Variants in CACNA1E observed in about 807,000 individuals in gnomAD.
CACNA1E encodes calcium voltage-gated channel subunit alpha1 E, also known as voltage-dependent R-type calcium channel subunit alpha-1E.
In CACNA1E, 40 loss-of-function variants were observed where a neutral mutation model predicts 259.2. The ratio of observed to expected loss-of-function variants is 0.15; its 90% CI spans 0.12 to 0.20. The LOEUF is 0.20. Ranked by LOEUF, CACNA1E falls within the 10% of genes least tolerant of loss-of-function variation. The probability of loss-of-function intolerance (pLI) is 1.00; values close to 1 mark genes in which losing one functional copy is unlikely to be tolerated. For synonymous variants in CACNA1E, 1,104 were observed against 1,138.5 expected, an observed-to-expected ratio of 0.97 and a Z score of 0.61; for missense variants, 1,874 against 3,040.1, an observed-to-expected ratio of 0.62 and a Z score of 9.02.
intron 1 of CACNA1E, among the ~76,000 whole-genome samples, chr1:181,502,935 G>T (rs1665382714): frequency 2.0e-5 from 3 of 152,202 alleles, no homozygotes. Flanking sequence ...TTGACCTCAA[G>T]TGATTCACTC....
intron 6 of CACNA1E, among the ~76,000 whole-genome samples, chr1:181,582,969 C>T (rs2102989340): frequency 6.6e-6 from 1 of 152,266 alleles, no homozygotes; most frequent in South Asian, 2.1e-4. Context: ...CTCTGACTTC[C>T]AGCCTGTCAG....
At chr1:181,467,045 C>T (rs1662197319) in intron 2 of CACNA1E, among the ~76,000 whole-genome samples, 1 of 152,180 alleles carries the variant, frequency 6.6e-6, no homozygotes, top group Non-Finnish European at 1.5e-5. Flanking sequence ...TTACTTTCTG[C>T]CCCCTCAGAT....
At position 181,739,335 on chromosome 1, in the gene CACNA1E, T is replaced by C. The variant is rs537833211; in HGVS notation, c.3719+82T>C. On this transcript the variant is annotated intron_variant, in intron 25 of 47. Coordinates refer to ENST00000367573, the MANE Select transcript of CACNA1E (RefSeq NM_001205293.3). ...GTTGATTTGAAGCCCTTTCCAGAAA[T>C]GCAACATGCAGGGTGATGCCAAAGA... is the stretch of plus-strand genomic sequence containing the variant. 6.8e-5 allele frequency: 65 copies of C among 953,054 alleles called. No homozygotes were observed. The African/African-American group carries it at 9.7e-4, about 14-fold the overall frequency. 59.0% of individuals were successfully genotyped at this position (953,054 alleles called of 1,614,324 possible). A position where few individuals can be genotyped will look rare whatever the true frequency, so the allele number is the denominator to read the frequency against.
chr1:181,608,867 A>T (rs1654480779), intron 6 of CACNA1E, among the ~76,000 whole-genome samples: 1 of 152,110 alleles, frequency 6.6e-6, no homozygotes, highest in Non-Finnish European at 1.5e-5. Context: ...TATTGATTGT[A>T]TATTATTACT....
At chr1:181,715,414 T>A in intron 9 of CACNA1E, 23 bp downstream of exon 9, 1 of 1,476,920 alleles carries the variant, frequency 6.8e-7, no homozygotes, top group Non-Finnish European at 9.4e-7. Context: ...TCTGATGCCT[T>A]ATTCCAGTTG....
At chr1:181,415,975 T>G (rs1319554912) in intron 2 of CACNA1E, among the ~76,000 whole-genome samples, 1 of 152,222 alleles carries the variant, frequency 6.6e-6, no homozygotes, top group East Asian at 1.9e-4. Flanking sequence ...AGCTTTTTAT[T>G]GCATGTCAAT....
chr1:181,470,526 TTTA>T (rs1457838581), intron 2 of CACNA1E, among the ~76,000 whole-genome samples: 11 of 152,086 alleles, frequency 7.2e-5, no homozygotes, highest in African/African-American at 2.4e-4. Flanking sequence ...CTGGCCTTGA[TTTA>T]TTTTCTAATA....
rs34488539 is a variant in CACNA1E, at chr1:181,737,549, C to T, written c.3447C>T (p.Ile1149=). ...GGATCCGGAGGGCCTGCCACTACATCGTGAACCTGCGCTACTTTGAGATGT... is the reference window on the plus strand; with the variant it reads ...GGATCCGGAGGGCCTGCCACTACATTGTGAACCTGCGCTACTTTGAGATGT... ...TNPIRRACHY[I]VNLRYFEMCI... is the part of the protein sequence containing the mutation. Residue 1149 remains isoleucine (I), a synonymous_variant, in exon 23 of 48, where the codon ATC becomes ATT. Coordinates refer to ENST00000367573, the MANE Select transcript of CACNA1E (RefSeq NM_001205293.3). 237,807 of 1,613,796 alleles carry T rather than the reference C, an allele frequency of 0.15. 18,895 individuals carry two copies. The highest frequency in any genetic ancestry group is 0.25 in the South Asian group (22,639 of 91,078).
chr1:181,801,363 A>G lies in CACNA1E; in HGVS notation c.*2529A>G, dbSNP rs761244229. 5.2e-5 allele frequency: 8 copies of G among 152,410 alleles called. No individual in the cohort carries two copies. The highest frequency in any genetic ancestry group is 1.2e-4 in the Non-Finnish European group (8 of 68,028). 9.4% of individuals were successfully genotyped at this position (152,410 alleles called of 1,614,324 possible). A position where few individuals can be genotyped will look rare whatever the true frequency, so the allele number is the denominator to read the frequency against. On this transcript the variant is annotated 3_prime_UTR_variant, in exon 48 of 48. Coordinates refer to ENST00000367573, the MANE Select transcript of CACNA1E (RefSeq NM_001205293.3). ...TTACTGTGCCAGGAAATCTTCCTGAACTCCTTGAACTCATACACACAGGTA... is the reference window on the plus strand; with the variant it reads ...TTACTGTGCCAGGAAATCTTCCTGAGCTCCTTGAACTCATACACACAGGTA...
intron 1 of CACNA1E, among the ~76,000 whole-genome samples, chr1:181,336,465 G>A (rs1167866102): frequency 6.6e-6 from 1 of 152,160 alleles, no homozygotes; most frequent in Non-Finnish European, 1.5e-5. Context: ...GTTAAAGGAA[G>A]GAGCAAGGAT....
At chr1:181,727,233 C>T (rs2102516492) in intron 18 of CACNA1E, among the ~76,000 whole-genome samples, 1 of 152,268 alleles carries the variant, frequency 6.6e-6, no homozygotes, top group East Asian at 1.9e-4. Context: ...AGGACAGAGG[C>T]TGACAGCGCT....
Position 181,756,978 on chromosome 1 carries a change from G to T in CACNA1E, c.4181G>T (p.Ser1394Ile). Residue 1394 changes from serine to isoleucine, a missense_variant, in exon 30 of 48, where the codon AGC becomes ATC. By Grantham distance (142) the Ser-to-Ile change is moderately radical. Transcript: ENST00000367573. ...GAGGAAGACCGAGGCCCAAGCCGCA[G>T]CAACCGCATGGAGATGTCTATCTTT... ...VTEEDRGPSR[S>I]NRMEMSIFYV... The T allele has an allele frequency of 6.2e-7, 1 of 1,613,914 alleles. No homozygotes were observed. Among genetic ancestry groups the T allele is most frequent in the Non-Finnish European group, 8.5e-7 (1 of 1,179,790 alleles).
chr1:181,620,383 T>C (rs895877626), intron 6 of CACNA1E, among the ~76,000 whole-genome samples: 4 of 152,222 alleles, frequency 2.6e-5, no homozygotes, highest in Non-Finnish European at 5.9e-5. Flanking sequence ...CATTTCACCA[T>C]GTAGGCACTC....
At chr1:181,363,660 A>T (rs75723907) in intron 1 of CACNA1E, among the ~76,000 whole-genome samples, 3,514 of 80,856 alleles carry the variant, frequency 0.043, 66 homozygotes, top group African/African-American at 0.1. Context: ...GTTGACATGG[A>T]CCCTGTCCAT....
At chr1:181,568,990 G>T (rs1572236912) in intron 3 of CACNA1E, among the ~76,000 whole-genome samples, 1 of 152,118 alleles carries the variant, frequency 6.6e-6, no homozygotes, top group African/African-American at 2.4e-5. Context: ...CAGATATGCT[G>T]GTTTCTTTTG....
intron 1 of CACNA1E, among the ~76,000 whole-genome samples, chr1:181,319,677 A>G (rs1571550816): frequency 6.6e-6 from 1 of 152,294 alleles, no homozygotes; most frequent in Non-Finnish European, 1.5e-5. Context: ...GTGGACAGAG[A>G]TGTTGGTAAT....
chr1:181,767,782 G>T (rs893293090), intron 35 of CACNA1E, among the ~76,000 whole-genome samples: 4 of 152,190 alleles, frequency 2.6e-5, no homozygotes, highest in African/African-American at 9.6e-5. Context: ...GGAATTTAAT[G>T]ATCATGTTGG....
At chr1:181,743,171 C>T (rs1315215068) in intron 25 of CACNA1E, among the ~76,000 whole-genome samples, 2 of 152,184 alleles carry the variant, frequency 1.3e-5, no homozygotes, top group African/African-American at 2.4e-5. Context: ...TGACAACACC[C>T]GCTTTCTGGG....
chr1:181,684,377 G>C (rs529650761), intron 7 of CACNA1E, among the ~76,000 whole-genome samples: 79 of 152,254 alleles, frequency 5.2e-4, no homozygotes, highest in African/African-American at 1.7e-3. Flanking sequence ...CTGGATATTA[G>C]ATCTTTGTTG....
Sources: gnomAD v4.1 joint callset for allele counts (sites outside exome capture counted in the v4.1 genomes callset) on GRCh38, gnomAD v4.1.1 for gene constraint, MANE v1.5 for transcripts, NCBI Gene and HGNC (gene_info 2026-07-23, HGNC 2026-07-21) for gene names.